Variants in ATP11A observed in about 807,000 individuals in gnomAD.
ATP11A encodes ATPase phospholipid transporting 11A, also known as phospholipid-transporting ATPase IH.
A neutral mutation model predicts 154.4 loss-of-function variants in ATP11A; 81 were observed. That is an observed-to-expected ratio of 0.52 (90% CI 0.44 to 0.63). ATP11A has a LOEUF of 0.63. Ranked by LOEUF, ATP11A falls within the 30% of genes least tolerant of loss-of-function variation. The pLI is 0.00. For synonymous variants in ATP11A, 623 were observed against 585.9 expected, an observed-to-expected ratio of 1.06 and a Z score of -0.91; for missense variants, 1,316 against 1,474.3, an observed-to-expected ratio of 0.89 and a Z score of 1.76.
intron 20 of ATP11A, among the ~76,000 whole-genome samples, chr13:112,857,457 A>G (rs1043926658): frequency 2.6e-5 from 4 of 152,224 alleles, no homozygotes; most frequent in Admixed American, 6.5e-5. Flanking sequence ...GTATATTTAA[A>G]TATATTTTCC....
At position 112,773,509 on chromosome 13, in the gene ATP11A, C is replaced by T. The variant is rs552206770; in HGVS notation, c.40-11626C>T. 5.3e-5 allele frequency among the ~76,000 whole-genome samples: 8 copies of T among 152,324 alleles called. No homozygotes were observed. The South Asian group carries it at 1.5e-3, about 28-fold the overall frequency. ...GTGGCCAGGAGTCCTTCCCCACTCT[C>T]CCTGCCCTCTGAAAGAGCAAATGAA... is the stretch of plus-strand genomic sequence containing the variant. On this transcript the variant is annotated intron_variant, in intron 1 of 29. Coordinates refer to ENST00000375645, the MANE Select transcript of ATP11A (RefSeq NM_015205.3).
At position 112,777,100 on chromosome 13, in the gene ATP11A, C is replaced by T. The variant is rs138644287; in HGVS notation, c.40-8035C>T. ...GTGTTTGCTCCTTAGGGAAATTTTC[C>T]TCGACCACTGAACACAGGTCCTGGG... On this transcript the variant is annotated intron_variant, in intron 1 of 29. Coordinates refer to ENST00000375645, the MANE Select transcript of ATP11A (RefSeq NM_015205.3). Among the ~76,000 whole-genome samples, 969 of 152,254 alleles carry T rather than the reference C, an allele frequency of 6.4e-3. 6 individuals carry two copies. Among genetic ancestry groups the T allele is most frequent in the Non-Finnish European group, 0.011 (738 of 68,022 alleles).
intron 1 of ATP11A, among the ~76,000 whole-genome samples, chr13:112,782,110 G>A (rs2077515289): frequency 6.6e-6 from 1 of 152,258 alleles, no homozygotes. Context: ...CTACACTGTT[G>A]GGCTGTATCT....
chr13:112,792,755 AC>A (rs1305166551), intron 2 of ATP11A, among the ~76,000 whole-genome samples: 1 of 151,516 alleles, frequency 6.6e-6, no homozygotes, highest in African/African-American at 2.4e-5. Flanking sequence ...GCCTGCTTGC[AC>A]CCCCCACGTG....
At chr13:112,868,882 G>A (rs1046228591) in intron 25 of ATP11A, among the ~76,000 whole-genome samples, 3 of 152,072 alleles carry the variant, frequency 2.0e-5, no homozygotes, top group African/African-American at 7.2e-5. Context: ...AAGGCAAAGG[G>A]GAAGCAAGGC....
chr13:112,874,915 C>T (rs2080671086), intron 27 of ATP11A, among the ~76,000 whole-genome samples: 1 of 152,190 alleles, frequency 6.6e-6, no homozygotes, highest in South Asian at 2.1e-4. Flanking sequence ...GCCAAGGAGC[C>T]ACAGCCCGTC....
intron 6 of ATP11A, among the ~76,000 whole-genome samples, chr13:112,818,530 G>A (rs1031527808): frequency 2.0e-5 from 3 of 152,166 alleles, no homozygotes; most frequent in African/African-American, 7.2e-5. Flanking sequence ...TTGCCTCTTC[G>A]CAGATCCCTG....
intron 1 of ATP11A, among the ~76,000 whole-genome samples, chr13:112,715,487 CGT>C (rs1393149782): frequency 1.2e-5 from 1 of 82,710 alleles, no homozygotes; most frequent in Admixed American, 1.2e-4. Flanking sequence ...GGCCCATCCC[CGT>C]ACCTGGCCCA....
intron 4 of ATP11A, among the ~76,000 whole-genome samples, 187 bp downstream of exon 4, chr13:112,806,480 G>A (rs535948079): frequency 6.6e-6 from 1 of 152,278 alleles, no homozygotes; most frequent in African/African-American, 2.4e-5. Context: ...ATATAATTTA[G>A]TTGCTAGTCT....
At chr13:112,788,457 G>A (rs1301856138) in intron 2 of ATP11A, among the ~76,000 whole-genome samples, 4 of 149,654 alleles carry the variant, frequency 2.7e-5, no homozygotes, top group Non-Finnish European at 4.4e-5. Context: ...GTAGACCCTT[G>A]CGGAGACCTA....
chr13:112,791,394 G>A (rs992613997), intron 2 of ATP11A, among the ~76,000 whole-genome samples: 3 of 152,238 alleles, frequency 2.0e-5, no homozygotes, highest in Non-Finnish European at 4.4e-5. Context: ...GAGCTCGCCC[G>A]ACAGCCCCAC....
At chr13:112,706,583 A>G (rs753215870) in intron 1 of ATP11A, among the ~76,000 whole-genome samples, 3 of 152,240 alleles carry the variant, frequency 2.0e-5, no homozygotes, top group Non-Finnish European at 2.9e-5. Context: ...TTTACTATCT[A>G]AGAAATTATG....
chr13:112,802,302 C>T (rs1319098269), intron 2 of ATP11A, among the ~76,000 whole-genome samples: 2 of 151,872 alleles, frequency 1.3e-5, no homozygotes, highest in African/African-American at 2.4e-5. Context: ...GCCGAGATCG[C>T]GCCACTGCAC....
rs142571497 is a variant in ATP11A at position 112,881,143 on chromosome 13, G to A, written c.*10-733G>A. ...AAGACATCTGCTCCTGCCAGCATCC[G>A]CCGCTGCCCCCTGGTCTAAAAGTGG... On this transcript the variant is annotated intron_variant, in intron 29 of 29. Transcript: ENST00000375645. 6.5e-3 allele frequency: 6,410 copies of A among 987,250 alleles called. 33 individuals carry two copies. Among genetic ancestry groups the A allele is most frequent in the Middle Eastern group, 8.4e-3 (16 of 1,914 alleles). 61.2% of individuals were successfully genotyped at this position (987,250 alleles called of 1,614,324 possible).
intron 18 of ATP11A, 66 bp from the exon 19 acceptor site, chr13:112,854,213 C>A: frequency 6.5e-7 from 1 of 1,538,168 alleles, no homozygotes; most frequent in Admixed American, 2.0e-5. Flanking sequence ...TTCTGCAGTT[C>A]CTTATTTGGA....
At position 112,855,972 on chromosome 13, in the gene ATP11A, A is replaced by G. The variant is rs757739264; in HGVS notation, c.2305A>G (p.Met769Val). Residue 769 changes from methionine to valine, a missense_variant, in exon 20 of 30, where the codon ATG (methionine) becomes GTG (valine). Transcript: ENST00000375645. The stretch of plus-strand genomic sequence containing the variant: ...CGACGGAGCTGCACTGTCTCTGATA[A>G]TGAAGCCTCGAGAAGACGGGAGTTC... ...IIDGAALSLI[M>V]KPREDGSSGN... The G allele has an allele frequency of 3.7e-6, 6 of 1,614,248 alleles. No individual in the cohort carries two copies. The highest frequency in any genetic ancestry group is 2.2e-5 in the East Asian group (1 of 44,890).
intron 2 of ATP11A, among the ~76,000 whole-genome samples, chr13:112,789,708 C>T (rs936272893): frequency 6.6e-6 from 1 of 151,446 alleles, no homozygotes; most frequent in Non-Finnish European, 1.5e-5. Flanking sequence ...CTGTGGAGAC[C>T]TACTTAATTC....
intron 17 of ATP11A, among the ~76,000 whole-genome samples, chr13:112,845,903 G>T (rs2079593237): frequency 6.6e-6 from 1 of 152,182 alleles, no homozygotes; most frequent in Non-Finnish European, 1.5e-5. Context: ...CGCAGTGCTA[G>T]TTCTTTCTAC....
rs1315439220 is a variant in ATP11A, at chr13:112,697,718, G to A, written c.39+7263G>A. 7.7e-6 allele frequency among the ~76,000 whole-genome samples: 1 copy of A among 130,528 alleles called. No homozygotes were observed. Among genetic ancestry groups the A allele is most frequent in the Non-Finnish European group, 1.6e-5 (1 of 61,930 alleles). The allele number at this position is 130,528 out of a possible 152,430, so 85.6% of individuals were successfully genotyped here. A position where few individuals can be genotyped will look rare whatever the true frequency, so the allele number is the denominator to read the frequency against. On this transcript the variant is annotated intron_variant, in intron 1 of 29. Transcript: ENST00000375645. This position sits in a 1 kb window ranked among gnomAD's most constrained non-coding sequence, Gnocchi z 4.0. Reference sequence around the variant, plus strand: ...GAGTAGCTGGGATTTGTGCCACGACGCCCGGCCAGTTTTTTTTTTTTTTTT... The same window carrying A: ...GAGTAGCTGGGATTTGTGCCACGACACCCGGCCAGTTTTTTTTTTTTTTTT...
Sources: gnomAD v4.1 joint callset for allele counts (sites outside exome capture counted in the v4.1 genomes callset) on GRCh38, gnomAD v4.1.1 for gene constraint, Gnocchi (gnomAD v3.1) non-coding constraint, MANE v1.5 for transcripts, NCBI Gene and HGNC (gene_info 2026-07-23, HGNC 2026-07-21) for gene names.